Variants in GRIN2C observed in about 807,000 individuals in gnomAD.
The protein encoded by GRIN2C is glutamate receptor ionotropic, NMDA 2C.
A neutral mutation model predicts 77.7 loss-of-function variants in GRIN2C; 64 were observed. That is an observed-to-expected ratio of 0.82 (90% CI 0.67 to 1.01). GRIN2C has a LOEUF of 1.01. GRIN2C is among the 50% of genes least tolerant of loss of function. The pLI is 0.00. For missense variants in GRIN2C, 1,549 were observed against 1,486.0 expected, an observed-to-expected ratio of 1.04 and a Z score of -0.70; for synonymous variants, 792 against 643.4, an observed-to-expected ratio of 1.23 and a Z score of -3.49.
At position 74,852,249 on chromosome 17, in the gene GRIN2C, C is replaced by A; in HGVS notation, c.762G>T (p.Val254=). 1 of 1,400,564 alleles carries A rather than the reference C, an allele frequency of 7.1e-7. No individual in the cohort carries two copies. Among genetic ancestry groups the A allele is most frequent in the Admixed American group, 3.3e-5 (1 of 30,462 alleles). The allele number at this position is 1,400,564 out of a possible 1,614,324, so 86.8% of individuals were successfully genotyped here. ...GLVGPGHVWL[V]PNLALGSTDA... Reference sequence around the variant, plus strand: ...CGGTGCTGCCCAGCGCCAGGTTGGGCACCAGCCACACGTGGCCGGGCCCCA... The same window carrying A: ...CGGTGCTGCCCAGCGCCAGGTTGGGAACCAGCCACACGTGGCCGGGCCCCA... The change falls in exon 3 of 13, where the codon GTG becomes GTT. Residue 254 remains valine (V), a synonymous_variant. Transcript: ENST00000293190.
At chr17:74,856,680 C>T (rs768107546) in intron 1 of GRIN2C, among the ~76,000 whole-genome samples, 4 of 151,984 alleles carry the variant, frequency 2.6e-5, no homozygotes, top group East Asian at 1.9e-4. Context: ...AGGGTTTCAC[C>T]GTGTTAGCCA....
chr17:74,844,668 G>T (rs1313949380), intron 11 of GRIN2C, among the ~76,000 whole-genome samples, 160 bp from the exon 12 acceptor site: 1 of 152,162 alleles, frequency 6.6e-6, no homozygotes, highest in Non-Finnish European at 1.5e-5. Flanking sequence ...GGCTGGAGCA[G>T]GATGGTGGGG....
At position 74,842,975 on chromosome 17, in the gene GRIN2C, C is replaced by T. The variant is rs1344059915; in HGVS notation, c.3162G>A (p.Leu1054=). 1 of 506,166 alleles carries T rather than the reference C, an allele frequency of 2.0e-6. No individual in the cohort carries two copies. Among genetic ancestry groups the T allele is most frequent in the South Asian group, 2.5e-5 (1 of 40,334 alleles). The allele number at this position is 506,166 out of a possible 1,614,324, so 31.4% of individuals were successfully genotyped here. The change falls in exon 13 of 13, where the codon CTG becomes CTA. Residue 1054 remains leucine, a synonymous_variant. Coordinates refer to ENST00000293190, the MANE Select transcript of GRIN2C (RefSeq NM_000835.6). ...GCCGGGCCAGCTGCTCCGGACCGAG[C>T]AGCGGCAGGTCCTCCAGCTCCGGGA... The part of the protein sequence containing the change: ...PLFPELEDLP[L]LGPEQLARRE...
rs1351967458 is a variant in GRIN2C at position 74,847,473 on chromosome 17, G to A, written c.1836C>T (p.Asn612=). The A allele has an allele frequency of 6.2e-7, 1 of 1,614,022 alleles. No individual in the cohort carries two copies. The highest frequency in any genetic ancestry group is 8.5e-7 in the Non-Finnish European group (1 of 1,179,950). The change falls in exon 9 of 13, where the codon AAC becomes AAT. Residue 612 remains asparagine, a synonymous_variant. Coordinates refer to ENST00000293190, the MANE Select transcript of GRIN2C (RefSeq NM_000835.6). The surrounding 1 kb of genome is among the most constrained non-coding windows in gnomAD (Gnocchi z 5.2). ...SVWLLWALVF[N]NSVPIENPRG... is the part of the protein sequence containing the mutation. The stretch of plus-strand genomic sequence containing the variant: ...GCGGGTTCTCGATGGGCACTGAGTT[G>A]TTGAAGACCAGCGCCCACAGCAGCC...
chr17:74,851,895 T>C lies in GRIN2C; in HGVS notation c.998+118A>G. On this transcript the variant is annotated intron_variant, in intron 3 of 12. Transcript: ENST00000293190. ...ACTAAGGCCCAGACAGGTGGGGTAA[T>C]GTGGCCCCAGGCACGCAGCTAGTGG... The C allele has an allele frequency of 3.9e-6, 3 of 777,378 alleles. No homozygotes were observed. In the East Asian group the frequency reaches 8.4e-5, roughly 22 times the overall value. The allele number at this position is 777,378 out of a possible 1,614,324, so 48.2% of individuals were successfully genotyped here. A position where few individuals can be genotyped will look rare whatever the true frequency, so the allele number is the denominator to read the frequency against.
intron 11 of GRIN2C, 113 bp downstream of exon 11, chr17:74,845,953 C>A: frequency 2.0e-6 from 2 of 980,776 alleles, no homozygotes; most frequent in Non-Finnish European, 3.2e-6. Flanking sequence ...ACCTCTCACC[C>A]CCCAGAGACC....
At position 74,852,348 on chromosome 17, in the gene GRIN2C, C is replaced by T. The variant is rs1223367784; in HGVS notation, c.663G>A (p.Ala221=). Residue 221 remains alanine, a synonymous_variant, in exon 3 of 13, where the codon GCG becomes GCA. Transcript: ENST00000293190. The part of the protein sequence containing the change: ...RTQRLLRQLD[A]PVFVAYCSRE... ...GCGAGCAGTAGGCCACAAACACGGG[C>T]GCGTCGAGCTGGCGCAGCAGGCGCT... The T allele has an allele frequency of 6.9e-7, 1 of 1,455,484 alleles. No homozygotes were observed. The highest frequency in any genetic ancestry group is 1.5e-5 in the African/African-American group (1 of 67,236). The allele number at this position is 1,455,484 out of a possible 1,614,324, so 90.2% of individuals were successfully genotyped here.
chr17:74,847,055 GC>G lies in GRIN2C; in HGVS notation c.2002-136del. ...GCAGAAGGTCTTAAAGGCTGTCCAG[GC>G]CACTCCTGTGTTTTCCAAATGGAGA... On this transcript the variant is annotated intron_variant, in intron 9 of 12. Coordinates refer to ENST00000293190, the MANE Select transcript of GRIN2C (RefSeq NM_000835.6). The surrounding 1 kb of genome is among the most constrained non-coding windows in gnomAD (Gnocchi z 5.2). 1 of 934,978 alleles carries G rather than the reference GC, an allele frequency of 1.1e-6. No individual in the cohort carries two copies. Among genetic ancestry groups the G allele is most frequent in the Non-Finnish European group, 1.6e-6 (1 of 633,924 alleles). The allele number at this position is 934,978 out of a possible 1,614,324, so 57.9% of individuals were successfully genotyped here.
rs544158977 is a variant in GRIN2C at position 74,859,374 on chromosome 17, G to A, written c.-16+370C>T. Among the ~76,000 whole-genome samples the A allele has an allele frequency of 6.6e-6, 1 of 152,006 alleles. No individual in the cohort carries two copies. The highest frequency in any genetic ancestry group is 1.5e-5 in the Non-Finnish European group (1 of 67,982). On this transcript the variant is annotated intron_variant, in intron 1 of 12. Transcript: ENST00000293190. This position sits in a 1 kb window ranked among gnomAD's most constrained non-coding sequence, Gnocchi z 5.9. ...ACAGCTCAGCCAGACCCCCTGGCAC[G>A]GACCTGCACACACATGCACACTCCC...
chr17:74,845,421 T>C (rs1031467677), intron 11 of GRIN2C, among the ~76,000 whole-genome samples: 1 of 151,890 alleles, frequency 6.6e-6, no homozygotes, highest in Non-Finnish European at 1.5e-5. Context: ...TGTGCCACCA[T>C]GCCTGGCTAA....
Position 74,850,910 on chromosome 17 carries a change from C to G in GRIN2C, c.1114-143G>C. On this transcript the variant is annotated intron_variant, in intron 4 of 12. Transcript: ENST00000293190. The surrounding 1 kb of genome is among the most constrained non-coding windows in gnomAD (Gnocchi z 5.3). ...GAGTAGGGCTGCTCCCAACAGCCTCCCCCAGCCTCGGGTCCCTGTGTTCAT... is the reference window on the plus strand; with the variant it reads ...GAGTAGGGCTGCTCCCAACAGCCTCGCCCAGCCTCGGGTCCCTGTGTTCAT... The G allele has an allele frequency of 1.5e-6, 1 of 675,462 alleles. No individual in the cohort carries two copies. The highest frequency in any genetic ancestry group is 2.6e-6 in the Non-Finnish European group (1 of 383,604). The allele number at this position is 675,462 out of a possible 1,614,324, so 41.8% of individuals were successfully genotyped here.
Position 74,847,064 on chromosome 17 carries a change from G to A in GRIN2C, c.2002-144C>T. 2 of 883,482 alleles carry A rather than the reference G, an allele frequency of 2.3e-6. No individual in the cohort carries two copies. Among genetic ancestry groups the A allele is most frequent in the East Asian group, 2.6e-5 (1 of 38,238 alleles). The allele number at this position is 883,482 out of a possible 1,614,324, so 54.7% of individuals were successfully genotyped here. On this transcript the variant is annotated intron_variant, in intron 9 of 12. Transcript: ENST00000293190. The surrounding 1 kb of genome is among the most constrained non-coding windows in gnomAD (Gnocchi z 5.2). ...CTTAAAGGCTGTCCAGGCCACTCCT[G>A]TGTTTTCCAAATGGAGACTCTGAGG...
At chr17:74,860,172 T>C (rs1251182231), upstream of GRIN2C, among the ~76,000 whole-genome samples, 2 of 152,122 alleles carry the variant, frequency 1.3e-5, no homozygotes, top group Non-Finnish European at 2.9e-5. Flanking sequence ...CCTGGCACGC[T>C]CTTATTCTTC....
At position 74,852,597 on chromosome 17, in the gene GRIN2C, G is replaced by C; in HGVS notation, c.414C>G (p.Ala138=). Residue 138 remains alanine (A), a synonymous_variant, in exon 3 of 13, where the codon GCC becomes GCG. Coordinates refer to ENST00000293190, the MANE Select transcript of GRIN2C (RefSeq NM_000835.6). ...CCAGGGACACGCCCAGCTGCAGGAA[G>C]GCGGAGCCCGGCTCCTGGGGGCGGG... The part of the protein sequence containing the change: ...VVLTPKEPGS[A]FLQLGVSLEQ... 1 of 1,401,024 alleles carries C rather than the reference G, an allele frequency of 7.1e-7. No individual in the cohort carries two copies. Among genetic ancestry groups the C allele is most frequent in the Non-Finnish European group, 9.3e-7 (1 of 1,071,132 alleles). 86.8% of individuals were successfully genotyped at this position (1,401,024 alleles called of 1,614,324 possible).
rs1567903553 is a variant in GRIN2C at position 74,859,667 on chromosome 17, C to CAA, written c.-16+76_-16+77insTT. The CAA allele has an allele frequency of 6.6e-6, 1 of 152,326 alleles. No individual in the cohort carries two copies. The highest frequency in any genetic ancestry group is 6.5e-5 in the Admixed American group (1 of 15,282). 9.4% of individuals were successfully genotyped at this position (152,326 alleles called of 1,614,324 possible). Reference sequence around the variant, plus strand: ...CTTGCTCCTCCAAGGCTACGGCCCCCGTCTCCGCGGACCCCGCCCGGACTC... The same window carrying CAA: ...CTTGCTCCTCCAAGGCTACGGCCCCCAAGTCTCCGCGGACCCCGCCCGGACTC... On this transcript the variant is annotated intron_variant, in intron 1 of 12. Coordinates refer to ENST00000293190, the MANE Select transcript of GRIN2C (RefSeq NM_000835.6). This position sits in a 1 kb window ranked among gnomAD's most constrained non-coding sequence, Gnocchi z 5.9.
Position 74,850,661 on chromosome 17 carries a change from G to A in GRIN2C, c.1220C>T (p.Thr407Met), listed in dbSNP as rs536926397. Residue 407 changes from threonine to methionine, a missense_variant, in exon 5 of 13, where the codon ACG becomes ATG. Physicochemically the swap from Thr to Met is moderately conservative, Grantham distance 81. Around this residue, in one of 3 missense-constraint regions of GRIN2C, gnomAD observed 717 missense variants for 858.1 expected, o/e 0.84. Transcript: ENST00000293190. The surrounding 1 kb of genome is among the most constrained non-coding windows in gnomAD (Gnocchi z 5.3). ...GATGACAAAGGGCCGCTCTTCCAGC[G>A]TGGCCACCGTCAGGTGCCGACTGTC... is the stretch of plus-strand genomic sequence containing the variant. ...VVDSRHLTVA[T>M]LEERPFVIVE... is the part of the protein sequence containing the mutation. 4.3e-6 allele frequency: 7 copies of A among 1,613,554 alleles called. No homozygotes were observed. Among genetic ancestry groups the A allele is most frequent in the South Asian group, 2.2e-5 (2 of 91,090 alleles).
At chr17:74,855,993 G>A (rs1179173448) in intron 1 of GRIN2C, among the ~76,000 whole-genome samples, 4 of 152,250 alleles carry the variant, frequency 2.6e-5, no homozygotes, top group African/African-American at 9.6e-5. Context: ...GTTTGGTCTT[G>A]TTACACATGA....
intron 1 of GRIN2C, among the ~76,000 whole-genome samples, chr17:74,856,701 G>A (rs916712829): frequency 4.0e-5 from 6 of 151,746 alleles, no homozygotes; most frequent in African/African-American, 4.8e-5. Context: ...GGATGGTCTC[G>A]ATCTCCTGAC....
upstream of GRIN2C, chr17:74,860,533 G>T (rs775539387): frequency 6.6e-6 from 3 of 455,926 alleles, no homozygotes; most frequent in South Asian, 3.1e-5. Context: ...CGCCCTGCCC[G>T]CGTAGGCAGG....
Sources: gnomAD v4.1 joint callset for allele counts (sites outside exome capture counted in the v4.1 genomes callset) on GRCh38, gnomAD v4.1.1 for gene constraint, gnomAD v4.1.1 regional missense constraint, Gnocchi (gnomAD v3.1) non-coding constraint, MANE v1.5 for transcripts, NCBI Gene and HGNC (gene_info 2026-07-23, HGNC 2026-07-21) for gene names.